The following NRXN1 variants were observed in gnomAD, a reference collection of about 807,000 sequenced individuals.
NRXN1 encodes the protein neurexin-1.
In NRXN1, 39 loss-of-function variants were observed where a neutral mutation model predicts 150.9. The observed-to-expected ratio is 0.26, with a 90% CI of 0.20 to 0.34. The LOEUF is 0.34. NRXN1 is among the 10% of genes least tolerant of loss of function. NRXN1 has a pLI of 1.00. For missense variants in NRXN1, 1,815 were observed against 1,949.9 expected, an observed-to-expected ratio of 0.93 and a Z score of 1.30; for synonymous variants, 924 against 757.0, an observed-to-expected ratio of 1.22 and a Z score of -3.62.
intron 17 of NRXN1, among the ~76,000 whole-genome samples, chr2:50,408,919 A>G (rs1247174967): frequency 6.6e-6 from 1 of 151,212 alleles, no homozygotes; most frequent in East Asian, 1.9e-4. Flanking sequence ...TCAGAACATC[A>G]TGCATAGTAT....
intron 5 of NRXN1, among the ~76,000 whole-genome samples, chr2:50,780,093 T>A (rs1474141589): frequency 2.0e-5 from 3 of 152,214 alleles, no homozygotes; most frequent in Non-Finnish European, 4.4e-5. Context: ...CATTGTGGTT[T>A]TGATTTGTAT....
chr2:50,374,960 T>G (rs1471815332), intron 17 of NRXN1, among the ~76,000 whole-genome samples: 3 of 152,144 alleles, frequency 2.0e-5, no homozygotes, highest in Admixed American at 6.6e-5. Flanking sequence ...TTTATGCAGC[T>G]GGGATCAAGT....
At chr2:49,993,812 G>A (rs1287477323) in intron 21 of NRXN1, among the ~76,000 whole-genome samples, 1 of 152,190 alleles carries the variant, frequency 6.6e-6, no homozygotes, top group Admixed American at 6.5e-5. Context: ...CAAAGGTTCT[G>A]AATTCTGTCC....
intron 2 of NRXN1, among the ~76,000 whole-genome samples, chr2:50,943,628 A>C (rs1182118857): frequency 1.3e-5 from 2 of 152,164 alleles, no homozygotes; most frequent in Non-Finnish European, 2.9e-5. Context: ...GAAATATCCC[A>C]CAGGCCTTGT....
Position 50,465,943 on chromosome 2 carries a change from G to T in NRXN1, c.3245-382C>A, listed in dbSNP as rs543353112. ...AATGAATAGAGACATAATGAGAAAT[G>T]GAGATTATAACTTCATGAAATTGAG... is the stretch of plus-strand genomic sequence containing the variant. On this transcript the variant is annotated intron_variant, in intron 16 of 22. Coordinates refer to ENST00000401669, the MANE Select transcript of NRXN1 (RefSeq NM_001330078.2). 6.6e-5 allele frequency among the ~76,000 whole-genome samples: 10 copies of T among 151,850 alleles called. No homozygotes were observed. In the South Asian group the frequency reaches 8.3e-4, roughly 13 times the overall value.
chr2:50,098,701 G>T (rs934598147), intron 18 of NRXN1, among the ~76,000 whole-genome samples: 1 of 151,994 alleles, frequency 6.6e-6, no homozygotes, highest in African/African-American at 2.4e-5. Context: ...CAATTTGGTG[G>T]GGCATTCTAA....
chr2:50,329,615 GTGTATATA>G (rs1558536183), intron 17 of NRXN1, among the ~76,000 whole-genome samples: 28 of 15,784 alleles, frequency 1.8e-3, no homozygotes, highest in South Asian at 2.8e-3. Flanking sequence ...GTGTGTGTGT[GTGTATATA>G]TATATATATA....
At chr2:50,150,761 A>G (rs1224962522) in intron 18 of NRXN1, among the ~76,000 whole-genome samples, 4 of 151,702 alleles carry the variant, frequency 2.6e-5, no homozygotes, top group South Asian at 2.1e-4. Flanking sequence ...CCCATATCAC[A>G]TCCAAATGGA....
At chr2:50,829,999 GAAAAAAAAAAAAAA>G (rs572758147) in intron 5 of NRXN1, among the ~76,000 whole-genome samples, 25 of 58,180 alleles carry the variant, frequency 4.3e-4, no homozygotes, top group African/African-American at 1.6e-3. Context: ...CTGCCTGCTG[GAAAAAAAAAAAAAA>G]AAAAAAAAAA....
intron 9 of NRXN1, among the ~76,000 whole-genome samples, chr2:50,547,204 G>T (rs1031937166): frequency 2.6e-5 from 4 of 152,034 alleles, no homozygotes; most frequent in African/African-American, 7.2e-5. Context: ...ATGAATAACC[G>T]CTGACACAAT....
chr2:50,793,462 C>T (rs1373382735), intron 5 of NRXN1, among the ~76,000 whole-genome samples: 1 of 152,066 alleles, frequency 6.6e-6, no homozygotes. Context: ...TCCGCTTAAC[C>T]TTCACTAAAG....
At chr2:51,030,535 AACACACACACACACACAC>A (rs57434663) in intron 1 of NRXN1, among the ~76,000 whole-genome samples, 3 of 145,348 alleles carry the variant, frequency 2.1e-5, no homozygotes, top group African/African-American at 5.1e-5. Flanking sequence ...TCTCTCTTTC[AACACACACACACACACAC>A]ACACACACAC....
At chr2:50,633,094 A>G (rs1219082904) in intron 5 of NRXN1, 1 of 152,130 alleles carries the variant, frequency 6.6e-6, no homozygotes, top group Non-Finnish European at 1.5e-5. Context: ...AGTTTCATGC[A>G]ACTGCATTTA....
chr2:50,512,554 C>T (rs1445696657), intron 12 of NRXN1, among the ~76,000 whole-genome samples: 2 of 152,164 alleles, frequency 1.3e-5, no homozygotes, highest in African/African-American at 4.8e-5. Context: ...CATAGCTATG[C>T]TACTTAGTCC....
At chr2:50,688,154 C>T (rs1691528148) in intron 5 of NRXN1, among the ~76,000 whole-genome samples, 1 of 152,164 alleles carries the variant, frequency 6.6e-6, no homozygotes, top group African/African-American at 2.4e-5. Flanking sequence ...ACCCACTTCA[C>T]TTCCATCTCT....
chr2:50,157,805 G>A (rs1358891969), intron 18 of NRXN1, among the ~76,000 whole-genome samples: 1 of 151,904 alleles, frequency 6.6e-6, no homozygotes, highest in Admixed American at 6.6e-5. Context: ...GATTTCCAAG[G>A]AAAACACTCT....
At chr2:50,199,506 G>T (rs769685983) in intron 18 of NRXN1, among the ~76,000 whole-genome samples, 1 of 148,542 alleles carries the variant, frequency 6.7e-6, no homozygotes, top group African/African-American at 2.5e-5. Flanking sequence ...CAAAGTAATC[G>T]CTCTCTCTCT....
intron 2 of NRXN1, among the ~76,000 whole-genome samples, chr2:50,990,056 T>C (rs1698315688): frequency 6.6e-6 from 1 of 152,062 alleles, no homozygotes; most frequent in African/African-American, 2.4e-5. Context: ...CTTTAATTTA[T>C]GTTTACTAAT....
At position 49,941,612 on chromosome 2, in the gene NRXN1, A is replaced by G. The variant is rs144971834; in HGVS notation, c.4216+2092T>C. The stretch of plus-strand genomic sequence containing the variant: ...GTAAGGATTCTGCAACAAGAGTATG[A>G]TAGCCTATACTTAGACAGTAAAAGA... On this transcript the variant is annotated intron_variant, in intron 22 of 22. Transcript: ENST00000401669. Among the ~76,000 whole-genome samples, 1,181 of 152,270 alleles carry G rather than the reference A, an allele frequency of 7.8e-3. 5 individuals carry two copies. The highest frequency in any genetic ancestry group is 0.012 in the Non-Finnish European group (794 of 68,014).
Sources: gnomAD v4.1 joint callset for allele counts (sites outside exome capture counted in the v4.1 genomes callset) on GRCh38, gnomAD v4.1.1 for gene constraint, MANE v1.5 for transcripts, NCBI Gene and HGNC (gene_info 2026-07-23, HGNC 2026-07-21) for gene names.